COL10A1: variants seen among roughly 807,000 people sequenced by gnomAD.
The protein encoded by COL10A1 is collagen alpha-1(X) chain.
COL10A1 carries 10 observed loss-of-function variants against 18.2 expected under a neutral mutation model. The observed-to-expected ratio is 0.55, with a 90% CI of 0.34 to 0.93. The LOEUF (loss-of-function observed/expected upper bound fraction) is 0.93. Ranked by LOEUF, COL10A1 falls within the 40% of genes least tolerant of loss-of-function variation. COL10A1 has a pLI of 0.02. For missense variants in COL10A1, 897 were observed against 853.5 expected, an observed-to-expected ratio of 1.05 and a Z score of -0.64; for synonymous variants, 330 against 316.6, an observed-to-expected ratio of 1.04 and a Z score of -0.45.
chr6:116,125,474 AG>A lies in COL10A1; in HGVS notation c.18del (p.Leu8CysfsTer3), dbSNP rs1562127473. On this transcript the variant is annotated frameshift_variant, in exon 2 of 3. Transcript: ENST00000651968. LOFTEE classifies it high-confidence loss of function. The stretch of plus-strand genomic sequence containing the variant: ...AAGTTCAAGGATACTAGCAGCAAAA[AG>A]GGTATTTGTGGCAGCATATTCTCAG... MLPQIPFLLLVSLNLV... is the reference protein window; with the variant it reads MLPQIXFLLLVSLNLV... The A allele has an allele frequency of 6.2e-7, 1 of 1,613,898 alleles. No individual in the cohort carries two copies.
the COL10A1 span, among the ~76,000 whole-genome samples, chr6:116,211,410 T>C: frequency 6.6e-6 from 1 of 152,098 alleles, no homozygotes; most frequent in Non-Finnish European, 1.5e-5. Context: ...ATGAATTTTC[T>C]CTAGCAAAAG....
chr6:116,133,424 C>T (rs1023047329), intron 1 of COL10A1, among the ~76,000 whole-genome samples: 7 of 152,252 alleles, frequency 4.6e-5, no homozygotes, highest in East Asian at 1.9e-4. Flanking sequence ...TGTTTGCCAT[C>T]GTACTTGAGA....
intron 1 of COL10A1, among the ~76,000 whole-genome samples, chr6:116,158,170 A>C (rs1233454440): frequency 6.6e-6 from 1 of 152,164 alleles, no homozygotes; most frequent in South Asian, 2.1e-4. Flanking sequence ...ATAAATCTAC[A>C]TTGACAATAC....
At chr6:116,212,967 G>GA in the COL10A1 span, among the ~76,000 whole-genome samples, 5 of 152,064 alleles carry the variant, frequency 3.3e-5, no homozygotes, top group Non-Finnish European at 7.4e-5. Context: ...TGGAGGTGAA[G>GA]AAAAACAATT....
the COL10A1 span, among the ~76,000 whole-genome samples, chr6:116,185,288 T>C: frequency 6.6e-6 from 1 of 152,126 alleles, no homozygotes; most frequent in Non-Finnish European, 1.5e-5. Context: ...TATCATATGG[T>C]CTGTCTTGGA....
At chr6:116,132,806 G>A (rs1042674121) in intron 1 of COL10A1, among the ~76,000 whole-genome samples, 1 of 152,072 alleles carries the variant, frequency 6.6e-6, no homozygotes, top group African/African-American at 2.4e-5. Flanking sequence ...GAAAAGTGCC[G>A]AGAAGTTTAG....
upstream of COL10A1, among the ~76,000 whole-genome samples, chr6:116,128,930 A>G (rs767371382): frequency 8.5e-5 from 13 of 152,156 alleles, no homozygotes; most frequent in Non-Finnish European, 1.5e-4. Context: ...ACTTTTTTAC[A>G]GAAAACTTGT....
the COL10A1 span, among the ~76,000 whole-genome samples, chr6:116,166,718 A>T: frequency 6.6e-6 from 1 of 152,210 alleles, no homozygotes; most frequent in Non-Finnish European, 1.5e-5. Flanking sequence ...ATCCATGAGA[A>T]ATTTCTACTA....
upstream of COL10A1, among the ~76,000 whole-genome samples, chr6:116,160,215 A>G (rs1780296035): frequency 6.6e-6 from 1 of 152,180 alleles, no homozygotes; most frequent in African/African-American, 2.4e-5. Flanking sequence ...GTGTTTAACT[A>G]ATTTACATTT....
At chr6:116,194,662 A>T in the COL10A1 span, among the ~76,000 whole-genome samples, 246 of 152,198 alleles carry the variant, frequency 1.6e-3, 2 homozygotes, top group African/African-American at 5.6e-3. Context: ...ATGGGAAGTC[A>T]GTAGATGTTG....
chr6:116,185,449 T>C, the COL10A1 span, among the ~76,000 whole-genome samples: 12 of 152,264 alleles, frequency 7.9e-5, no homozygotes, highest in Non-Finnish European at 1.5e-4. Context: ...TGTCTAATGC[T>C]GTCAGTGGAG....
the COL10A1 span, among the ~76,000 whole-genome samples, chr6:116,179,098 A>T: frequency 2.0e-5 from 3 of 152,298 alleles, no homozygotes; most frequent in African/African-American, 7.2e-5. Flanking sequence ...ATTTAACATA[A>T]GTAGAGATAT....
At chr6:116,165,631 T>C in the COL10A1 span, among the ~76,000 whole-genome samples, 1 of 152,190 alleles carries the variant, frequency 6.6e-6, no homozygotes, top group Non-Finnish European at 1.5e-5. Flanking sequence ...ATGACCCCCC[T>C]CTACATCTGT....
chr6:116,188,278 G>C, the COL10A1 span, among the ~76,000 whole-genome samples: 4 of 152,110 alleles, frequency 2.6e-5, no homozygotes, highest in African/African-American at 9.6e-5. Context: ...GAAAATTGTT[G>C]AGTATTATCC....
At chr6:116,144,158 C>G (rs1434026702) in intron 1 of COL10A1, among the ~76,000 whole-genome samples, 1 of 152,096 alleles carries the variant, frequency 6.6e-6, no homozygotes, top group Non-Finnish European at 1.5e-5. Context: ...TAATTGGAAT[C>G]CTTTTTATAA....
chr6:116,128,609 T>A (rs962251184), upstream of COL10A1, among the ~76,000 whole-genome samples: 1 of 152,184 alleles, frequency 6.6e-6, no homozygotes, highest in African/African-American at 2.4e-5. Context: ...GTTTCTTAAG[T>A]GCTTCTTAAG....
chr6:116,197,464 A>G, the COL10A1 span, among the ~76,000 whole-genome samples: 2 of 152,038 alleles, frequency 1.3e-5, no homozygotes, highest in Non-Finnish European at 2.9e-5. Flanking sequence ...AAGAATCAAC[A>G]TTCTTGACCT....
the COL10A1 span, among the ~76,000 whole-genome samples, chr6:116,187,591 G>C: frequency 6.6e-6 from 1 of 152,092 alleles, no homozygotes; most frequent in South Asian, 2.1e-4. Flanking sequence ...CTTGATGACA[G>C]AACAGGTACA....
chr6:116,139,088 T>C (rs1436423422), intron 1 of COL10A1, among the ~76,000 whole-genome samples: 3 of 152,154 alleles, frequency 2.0e-5, no homozygotes, highest in African/African-American at 7.2e-5. Flanking sequence ...TGTATTCTTA[T>C]GATTTATAGC....
Sources: allele counts gnomAD v4.1 joint callset (sites outside exome capture counted in the v4.1 genomes callset), GRCh38; gene constraint gnomAD v4.1.1; transcripts MANE v1.5; gene names NCBI Gene and HGNC (gene_info 2026-07-23, HGNC 2026-07-21).